Variants in DCLK1 observed in about 807,000 individuals in gnomAD.
DCLK1 encodes the protein doublecortin like kinase 1.
A neutral mutation model predicts 86.2 loss-of-function variants in DCLK1; 16 were observed. The ratio of observed to expected loss-of-function variants is 0.19; its 90% CI spans 0.13 to 0.28. The LOEUF is 0.28. Ranked by LOEUF, DCLK1 falls within the 10% of genes least tolerant of loss-of-function variation. The pLI, the probability that DCLK1 is intolerant of heterozygous loss-of-function variation, is 1.00. For missense variants in DCLK1, 590 were observed against 940.2 expected, an observed-to-expected ratio of 0.63 and a Z score of 4.87; for synonymous variants, 369 against 370.5, an observed-to-expected ratio of 1.00 and a Z score of 0.05.
At chr13:35,892,185 T>C (rs1414350280) in intron 4 of DCLK1, among the ~76,000 whole-genome samples, 3 of 152,198 alleles carry the variant, frequency 2.0e-5, no homozygotes, top group African/African-American at 7.2e-5. Flanking sequence ...CCCTCTCTCC[T>C]TGAACACCTG....
At chr13:35,910,290 C>T (rs763117190) in intron 4 of DCLK1, among the ~76,000 whole-genome samples, 5 of 152,204 alleles carry the variant, frequency 3.3e-5, no homozygotes, top group Non-Finnish European at 7.3e-5. Flanking sequence ...GACATTGTTA[C>T]ATCTTTTAAA....
chr13:36,099,153 A>G (rs1301469387), intron 3 of DCLK1, among the ~76,000 whole-genome samples: 2 of 151,910 alleles, frequency 1.3e-5, no homozygotes, highest in African/African-American at 4.8e-5. Flanking sequence ...TTTTTAGTAG[A>G]GACGGGGTTT....
chr13:35,929,117 G>A (rs1876285368), intron 4 of DCLK1, among the ~76,000 whole-genome samples: 1 of 152,168 alleles, frequency 6.6e-6, no homozygotes, highest in African/African-American at 2.4e-5. Flanking sequence ...TTTTAGTAGA[G>A]ATGGGGTTTC....
intron 11 of DCLK1, among the ~76,000 whole-genome samples, chr13:35,820,355 G>C (rs2087365094): frequency 6.6e-6 from 1 of 152,106 alleles, no homozygotes; most frequent in Non-Finnish European, 1.5e-5. Flanking sequence ...TCTCCATATA[G>C]TTCAGCTTCT....
intron 4 of DCLK1, among the ~76,000 whole-genome samples, chr13:35,917,942 G>C (rs1463900538): frequency 6.6e-6 from 1 of 152,144 alleles, no homozygotes; most frequent in Non-Finnish European, 1.5e-5. Flanking sequence ...GGCAAGGGCA[G>C]AGAGCCGCCA....
intron 4 of DCLK1, among the ~76,000 whole-genome samples, chr13:35,909,226 C>G (rs1261083460): frequency 6.6e-6 from 1 of 152,194 alleles, no homozygotes; most frequent in East Asian, 1.9e-4. Context: ...CTCCTGGGGG[C>G]TCCTGGATAC....
intron 4 of DCLK1, among the ~76,000 whole-genome samples, chr13:35,888,578 T>C (rs553057723): frequency 6.6e-6 from 1 of 152,330 alleles, no homozygotes; most frequent in Admixed American, 6.5e-5. Flanking sequence ...ATTGTAGTTA[T>C]ACGAAGGCAG....
Position 35,787,073 on chromosome 13 carries a change from CAT to C in DCLK1, c.2058+6291_2058+6292del, listed in dbSNP as rs1029598015. On this transcript the variant is annotated intron_variant, in intron 16 of 16. Transcript: ENST00000360631. The stretch of plus-strand genomic sequence containing the variant: ...CAGGAGTAACAATTGGGGCTAAAAT[CAT>C]ATATATATATTATATATATATATAC... Among the ~76,000 whole-genome samples, 220 of 149,872 alleles carry C rather than the reference CAT, an allele frequency of 1.5e-3. 1 individual carries two copies. The highest frequency in any genetic ancestry group is 5.1e-3 in the African/African-American group (209 of 40,936).
At chr13:35,847,885 T>C (rs1870329205) in intron 6 of DCLK1, 1 of 985,124 alleles carries the variant, frequency 1.0e-6, no homozygotes, top group African/African-American at 1.7e-5. Flanking sequence ...ACTGTCTAGA[T>C]TTTTCCCCCT....
intron 3 of DCLK1, among the ~76,000 whole-genome samples, chr13:35,968,440 A>G (rs1878889943): frequency 6.6e-6 from 1 of 152,188 alleles, no homozygotes; most frequent in Admixed American, 6.5e-5. Context: ...TTCATCTGAC[A>G]CTTCCTCCAG....
chr13:35,942,736 G>T (rs1226944341), intron 4 of DCLK1, among the ~76,000 whole-genome samples: 1 of 152,128 alleles, frequency 6.6e-6, no homozygotes, highest in Non-Finnish European at 1.5e-5. Flanking sequence ...TAGTCCAAGG[G>T]ACTTCAAGAG....
intron 3 of DCLK1, among the ~76,000 whole-genome samples, chr13:36,069,485 G>T (rs977822496): frequency 6.6e-6 from 1 of 152,124 alleles, no homozygotes; most frequent in African/African-American, 2.4e-5. Flanking sequence ...CAGGCCACTT[G>T]AAAGCAACAA....
chr13:36,096,210 A>G (rs1885015866), intron 3 of DCLK1, among the ~76,000 whole-genome samples: 1 of 152,246 alleles, frequency 6.6e-6, no homozygotes, highest in African/African-American at 2.4e-5. Flanking sequence ...CCTCAGAACT[A>G]TGCCTAGATA....
chr13:35,984,974 T>C (rs1337024502), intron 3 of DCLK1, among the ~76,000 whole-genome samples: 2 of 152,082 alleles, frequency 1.3e-5, no homozygotes, highest in Non-Finnish European at 2.9e-5. Context: ...AGCACCATAA[T>C]TGTGTCTCTG....
chr13:35,958,112 C>A (rs965990433), intron 3 of DCLK1, among the ~76,000 whole-genome samples: 3 of 2,368 alleles, frequency 1.3e-3, no homozygotes, highest in South Asian at 6.7e-3. Context: ...TAACCACCAT[C>A]ACCACCACCA....
intron 2 of DCLK1, among the ~76,000 whole-genome samples, chr13:36,124,739 G>C (rs1299650983): frequency 6.6e-6 from 1 of 152,138 alleles, no homozygotes; most frequent in Non-Finnish European, 1.5e-5. Flanking sequence ...TGAACTCAAG[G>C]TGAAATCAAG....
chr13:36,100,097 C>T (rs1885150733), intron 3 of DCLK1, among the ~76,000 whole-genome samples: 1 of 141,666 alleles, frequency 7.1e-6, no homozygotes. Flanking sequence ...AATCCCAGCA[C>T]TTTGGGAGGC....
chr13:35,796,376 T>G (rs185248169), intron 15 of DCLK1, among the ~76,000 whole-genome samples: 2 of 151,594 alleles, frequency 1.3e-5, no homozygotes, highest in Non-Finnish European at 2.9e-5. Flanking sequence ...AAAGGGAGAG[T>G]TGAAAGATAC....
intron 3 of DCLK1, among the ~76,000 whole-genome samples, chr13:36,007,844 CTT>C (rs1326634793): frequency 1.3e-5 from 2 of 152,104 alleles, no homozygotes; most frequent in African/African-American, 2.4e-5. Flanking sequence ...TACAATAAAA[CTT>C]AATGAAATAT....
Sources: gnomAD v4.1 joint callset for allele counts (sites outside exome capture counted in the v4.1 genomes callset) on GRCh38, gnomAD v4.1.1 for gene constraint, MANE v1.5 for transcripts, NCBI Gene and HGNC (gene_info 2026-07-23, HGNC 2026-07-21) for gene names.